Variants in CRYBG1 observed in about 807,000 individuals in gnomAD.
CRYBG1 encodes the protein beta/gamma crystallin domain-containing protein 1.
In CRYBG1, 139 loss-of-function variants were observed where a neutral mutation model predicts 189.2. The observed-to-expected ratio is 0.73, with a 90% confidence interval of 0.64 to 0.85. The LOEUF is 0.85. Among genes scored for constraint, CRYBG1 ranks in the 40% least tolerant of loss-of-function variants. The pLI is 0.00. For synonymous variants in CRYBG1, 1,023 were observed against 1,017.1 expected, an observed-to-expected ratio of 1.01 and a Z score of -0.11; for missense variants, 2,611 against 2,675.8, an observed-to-expected ratio of 0.98 and a Z score of 0.53.
chr6:106,393,078 C>T (rs1459889267), intron 1 of CRYBG1, among the ~76,000 whole-genome samples: 2 of 152,128 alleles, frequency 1.3e-5, no homozygotes, highest in African/African-American at 4.8e-5. Context: ...CCTGGTAATA[C>T]AATTTTTAGA....
chr6:106,555,108 T>A (rs192351653), intron 16 of CRYBG1, among the ~76,000 whole-genome samples: 1 of 150,336 alleles, frequency 6.7e-6, no homozygotes, highest in East Asian at 2.0e-4. Flanking sequence ...GAGGTTGCAG[T>A]GAGCCGAGAT....
At chr6:106,544,540 AT>A in intron 11 of CRYBG1, 30 bp from the exon 12 acceptor site, 1 of 1,604,824 alleles carries the variant, frequency 6.2e-7, no homozygotes, top group East Asian at 2.2e-5. Context: ...ATGTCTGGAA[AT>A]GACTACTCCT....
rs1374888185 is a variant in CRYBG1 at position 106,422,582 on chromosome 6, C to CT, written c.174-29111dup. Among the ~76,000 whole-genome samples the CT allele has an allele frequency of 4.5e-4, 31 of 69,636 alleles. 1 individual carries two copies. In the South Asian group the frequency reaches 0.018, roughly 40 times the overall value. 45.7% of individuals were successfully genotyped at this position (69,636 alleles called of 152,430 possible). A position where few individuals can be genotyped will look rare whatever the true frequency, so the allele number is the denominator to read the frequency against. On this transcript the variant is annotated intron_variant, in intron 1 of 21. Coordinates refer to ENST00000633556, the MANE Select transcript of CRYBG1 (RefSeq NM_001371242.2). ...TTCTGGCCTCAAGTAATCCACCCCCCTCCCAGCCTCCCAAAGTGCTGGGAT... is the reference window on the plus strand; with the variant it reads ...TTCTGGCCTCAAGTAATCCACCCCCCTTCCCAGCCTCCCAAAGTGCTGGGAT...
chr6:106,545,016 A>G (rs553462224), intron 13 of CRYBG1, 83 bp downstream of exon 13: 104 of 1,138,308 alleles, frequency 9.1e-5, no homozygotes, highest in Non-Finnish European at 1.2e-4. Flanking sequence ...ATCACAGAGT[A>G]GGCATTCAAT....
chr6:106,395,054 G>A (rs932804729), intron 1 of CRYBG1, among the ~76,000 whole-genome samples: 8 of 150,958 alleles, frequency 5.3e-5, no homozygotes, highest in African/African-American at 9.7e-5. Flanking sequence ...AATTTCTACC[G>A]TCTTTCAATT....
intron 14 of CRYBG1, 49 bp downstream of exon 14, chr6:106,552,027 T>G: frequency 6.5e-7 from 1 of 1,531,446 alleles, no homozygotes; most frequent in Middle Eastern, 1.7e-4. Flanking sequence ...ATTCTGGATT[T>G]CCTTAATGTG....
intron 11 of CRYBG1, 74 bp downstream of exon 11, chr6:106,543,671 C>A: frequency 1.4e-6 from 2 of 1,450,478 alleles, no homozygotes; most frequent in African/African-American, 1.4e-5. Flanking sequence ...CCTTTCCCCC[C>A]TAAAAACAAC....
chr6:106,370,186 A>C (rs1327010231), intron 1 of CRYBG1, among the ~76,000 whole-genome samples: 1 of 152,260 alleles, frequency 6.6e-6, no homozygotes, highest in Non-Finnish European at 1.5e-5. Flanking sequence ...ATTTTAAAAC[A>C]GAAATTCAAA....
intron 1 of CRYBG1, among the ~76,000 whole-genome samples, chr6:106,363,508 G>A (rs560305981): frequency 2.6e-5 from 4 of 152,256 alleles, no homozygotes; most frequent in African/African-American, 9.6e-5. Flanking sequence ...AGCACCCTTA[G>A]ATTTCAAGCC....
At chr6:106,545,496 C>T (rs890639601) in intron 13 of CRYBG1, among the ~76,000 whole-genome samples, 2 of 152,234 alleles carry the variant, frequency 1.3e-5, no homozygotes, top group East Asian at 3.8e-4. Flanking sequence ...TAAAATGGAA[C>T]TTACTGGCTT....
chr6:106,370,797 C>T (rs6939387), intron 1 of CRYBG1, among the ~76,000 whole-genome samples: 1,676 of 152,238 alleles, frequency 0.011, 37 homozygotes, highest in African/African-American at 0.039. Context: ...CCTGTACCCA[C>T]CTTTGACAGG....
chr6:106,464,266 G>A (rs930936625), intron 2 of CRYBG1, among the ~76,000 whole-genome samples: 5 of 152,126 alleles, frequency 3.3e-5, no homozygotes, highest in African/African-American at 4.8e-5. Context: ...AGGCCAAGGC[G>A]GGCGGATCAC....
intron 1 of CRYBG1, among the ~76,000 whole-genome samples, chr6:106,446,881 A>G (rs990392976): frequency 6.6e-6 from 1 of 152,226 alleles, no homozygotes; most frequent in African/African-American, 2.4e-5. Context: ...GCCGTTATTA[A>G]TTTTGCTACC....
At chr6:106,391,918 T>G (rs1770511787) in intron 1 of CRYBG1, among the ~76,000 whole-genome samples, 2 of 150,646 alleles carry the variant, frequency 1.3e-5, no homozygotes, top group African/African-American at 2.5e-5. Flanking sequence ...CAAAAGCCTG[T>G]TGTTTAAAAC....
chr6:106,460,605 C>A (rs773634917), intron 2 of CRYBG1, among the ~76,000 whole-genome samples: 4 of 152,008 alleles, frequency 2.6e-5, no homozygotes, highest in Non-Finnish European at 4.4e-5. Context: ...CGCTGCCCTG[C>A]CCTTACTCTA....
chr6:106,463,252 AC>A (rs1772050193), intron 2 of CRYBG1, among the ~76,000 whole-genome samples: 1 of 149,256 alleles, frequency 6.7e-6, no homozygotes, highest in Non-Finnish European at 1.5e-5. Flanking sequence ...AAAAAAAAAA[AC>A]AACAACTTCT....
In CRYBG1 at chr6:106,375,478, G is replaced by GCCAC. The variant is rs1302632721; in HGVS notation, c.173+14397_173+14398insCCAC. ...GAGCATTGGCAGGGGTTAGGGTGGA[G>GCCAC]GTGGGAGAAAAAGTATGATGTGAAC... On this transcript the variant is annotated intron_variant, in intron 1 of 21. Coordinates refer to ENST00000633556, the MANE Select transcript of CRYBG1 (RefSeq NM_001371242.2). Among the ~76,000 whole-genome samples, 4 of 152,094 alleles carry GCCAC rather than the reference G, an allele frequency of 2.6e-5. No individual in the cohort carries two copies. In the South Asian group the frequency reaches 6.2e-4, roughly 24 times the overall value.
rs71663353 is a variant in CRYBG1 at position 106,416,999 on chromosome 6, C to CTTTTTTTTTTT, written c.174-34681_174-34671dup. ...AGAACAAAGGCAATGATGGGATTTACTTTTTTTTTTTTTTTTTTTTTTTTG... is the reference window on the plus strand; with the variant it reads ...AGAACAAAGGCAATGATGGGATTTACTTTTTTTTTTTTTTTTTTTTTTTTTTTTTTTTTTTG... On this transcript the variant is annotated intron_variant, in intron 1 of 21. Coordinates refer to ENST00000633556, the MANE Select transcript of CRYBG1 (RefSeq NM_001371242.2). 1.9e-4 allele frequency among the ~76,000 whole-genome samples: 13 copies of CTTTTTTTTTTT among 69,498 alleles called. 1 individual carries two copies. The highest frequency in any genetic ancestry group is 5.1e-4 in the African/African-American group (8 of 15,692). 45.6% of individuals were successfully genotyped at this position (69,498 alleles called of 152,430 possible).
intron 1 of CRYBG1, among the ~76,000 whole-genome samples, chr6:106,394,655 A>AACT (rs1770570788): frequency 1.3e-5 from 2 of 152,198 alleles, no homozygotes; most frequent in South Asian, 4.1e-4. Flanking sequence ...TTTTTAAACA[A>AACT]GTATGTTAAG....
Sources: gnomAD v4.1 joint callset for allele counts (sites outside exome capture counted in the v4.1 genomes callset) on GRCh38, gnomAD v4.1.1 for gene constraint, MANE v1.5 for transcripts, NCBI Gene and HGNC (gene_info 2026-07-23, HGNC 2026-07-21) for gene names.